KCNQ1OT1: variants seen among roughly 807,000 people sequenced by gnomAD.
KCNQ1OT1 encodes the protein KCNQ1 antisense RNA 2 (non-protein coding).
chr11:2,693,930 C>T (rs1357529707), exon 1 of KCNQ1OT1: 1 of 398,628 alleles, frequency 2.5e-6, no homozygotes, highest in Non-Finnish European at 4.4e-6. Flanking sequence ...GATCCGGTAT[C>T]CGCTGAGAAC....
exon 1 of KCNQ1OT1, chr11:2,628,488 G>A (rs757177160): frequency 7.5e-6 from 3 of 398,054 alleles, no homozygotes; most frequent in Non-Finnish European, 1.3e-5. Context: ...TTATTAATTG[G>A]GTTATTAAGT....
exon 1 of KCNQ1OT1, chr11:2,685,938 C>T (rs890762381): frequency 7.5e-6 from 3 of 398,736 alleles, no homozygotes; most frequent in South Asian, 1.3e-4. Context: ...CCCACTCTCC[C>T]ATCCTCCTGC....
Position 2,654,597 on chromosome 11 carries a change from G to A in KCNQ1OT1, n.45398C>T. 2 of 398,828 alleles carry A rather than the reference G, an allele frequency of 5.0e-6. No individual in the cohort carries two copies. The highest frequency in any genetic ancestry group is 2.5e-4 in the South Asian group (2 of 7,866). 24.7% of individuals were successfully genotyped at this position (398,828 alleles called of 1,614,324 possible). On this transcript the variant is annotated non_coding_transcript_exon_variant, in exon 1 of 1. Coordinates refer to ENST00000597346, the Ensembl canonical transcript of KCNQ1OT1. This position sits in a 1 kb window ranked among gnomAD's most constrained non-coding sequence, Gnocchi z 6.4. Reference sequence around the variant, plus strand: ...TCAGGAGGGGAAGGGCAGGGGGTGAGTGGTTGGGTGAAGTTACTAGGAAGG... The same window carrying A: ...TCAGGAGGGGAAGGGCAGGGGGTGAATGGTTGGGTGAAGTTACTAGGAAGG...
At chr11:2,616,912 G>T in exon 1 of KCNQ1OT1, 1 of 397,618 alleles carries the variant, frequency 2.5e-6, no homozygotes, top group South Asian at 1.3e-4. Flanking sequence ...TATTGTTCAA[G>T]TCCTCTCTTT....
At position 2,661,866 on chromosome 11, in the gene KCNQ1OT1, T is replaced by C; in HGVS notation, n.38129A>G. The C allele has an allele frequency of 6.7e-7, 1 of 1,498,464 alleles. No homozygotes were observed. The highest frequency in any genetic ancestry group is 1.1e-5 in the South Asian group (1 of 88,622). 92.8% of individuals were successfully genotyped at this position (1,498,464 alleles called of 1,614,324 possible). A position where few individuals can be genotyped will look rare whatever the true frequency, so the allele number is the denominator to read the frequency against. On this transcript the variant is annotated non_coding_transcript_exon_variant, in exon 1 of 1. Transcript: ENST00000597346. This position sits in a 1 kb window ranked among gnomAD's most constrained non-coding sequence, Gnocchi z 5.9. ...TGGAGCTTCCAGGCACAAGCTCCACTCCTCACCTGGCCCTGGGAGCTCACA... is the reference window on the plus strand; with the variant it reads ...TGGAGCTTCCAGGCACAAGCTCCACCCCTCACCTGGCCCTGGGAGCTCACA...
Position 2,651,553 on chromosome 11 carries a change from T to C in KCNQ1OT1, n.48442A>G, listed in dbSNP as rs1849756730. 1 of 398,432 alleles carries C rather than the reference T, an allele frequency of 2.5e-6. No homozygotes were observed. The highest frequency in any genetic ancestry group is 4.4e-6 in the Non-Finnish European group (1 of 226,072). 24.7% of individuals were successfully genotyped at this position (398,432 alleles called of 1,614,324 possible). A position where few individuals can be genotyped will look rare whatever the true frequency, so the allele number is the denominator to read the frequency against. ...ATGAGTGTGTCCCTGAGAACATGGATATTGTGTTCTTTACCTCCATGTCTC... is the reference window on the plus strand; with the variant it reads ...ATGAGTGTGTCCCTGAGAACATGGACATTGTGTTCTTTACCTCCATGTCTC... On this transcript the variant is annotated non_coding_transcript_exon_variant, in exon 1 of 1. Transcript: ENST00000597346. The surrounding 1 kb of genome is among the most constrained non-coding windows in gnomAD (Gnocchi z 6.1).
At chr11:2,644,867 G>C (rs1359401842) in exon 1 of KCNQ1OT1, 1 of 398,654 alleles carries the variant, frequency 2.5e-6, no homozygotes, top group African/African-American at 2.1e-5. Flanking sequence ...GCAGTTGTTG[G>C]TGGAGGCTGT....
exon 1 of KCNQ1OT1, chr11:2,640,057 A>G: frequency 5.2e-6 from 1 of 193,766 alleles, no homozygotes; most frequent in Non-Finnish European, 1.0e-5. Context: ...CCATTGGAAA[A>G]GCACAGTATT....
At chr11:2,635,585 C>T (rs1849450999) in exon 1 of KCNQ1OT1, 1 of 152,116 alleles carries the variant, frequency 6.6e-6, no homozygotes, top group South Asian at 2.1e-4. Flanking sequence ...GTGACTGTAG[C>T]CTTGTAGTAT....
exon 1 of KCNQ1OT1, chr11:2,646,410 A>T (rs1849666562): frequency 2.5e-6 from 1 of 398,572 alleles, no homozygotes; most frequent in East Asian, 3.6e-5. Flanking sequence ...CATTGTGGAA[A>T]TCTTTCACCT....
At chr11:2,629,253 C>T in exon 1 of KCNQ1OT1, 1 of 398,218 alleles carries the variant, frequency 2.5e-6, no homozygotes, top group African/African-American at 2.1e-5. Flanking sequence ...TTATTTGTAT[C>T]ATCTTAGAAT....
chr11:2,665,377 G>T (rs1356748300), exon 1 of KCNQ1OT1: 2 of 398,018 alleles, frequency 5.0e-6, no homozygotes, highest in Non-Finnish European at 8.8e-6. Context: ...GACAAGAGGA[G>T]CCCTGTACCC....
rs1287684811 is a variant in KCNQ1OT1 at position 2,617,708 on chromosome 11, C to T, written n.82287G>A. ...TGTACAAGAGTTCCCTAACCCTAGC[C>T]AACACTTAATAGCTATTCTCATGAG... On this transcript the variant is annotated non_coding_transcript_exon_variant, in exon 1 of 1. Coordinates refer to ENST00000597346, the Ensembl canonical transcript of KCNQ1OT1. This position sits in a 1 kb window ranked among gnomAD's most constrained non-coding sequence, Gnocchi z 4.6. 2.5e-6 allele frequency: 1 copy of T among 398,306 alleles called. No homozygotes were observed. Among genetic ancestry groups the T allele is most frequent in the African/African-American group, 2.1e-5 (1 of 48,612 alleles). 24.7% of individuals were successfully genotyped at this position (398,306 alleles called of 1,614,324 possible).
At chr11:2,636,871 T>C (rs1466361136) in exon 1 of KCNQ1OT1, 3 of 152,254 alleles carry the variant, frequency 2.0e-5, no homozygotes, top group Non-Finnish European at 4.4e-5. Context: ...GAGCCTGTTA[T>C]TGGTCTTTTC....
Position 2,671,970 on chromosome 11 carries a change from G to T in KCNQ1OT1, n.28025C>A, listed in dbSNP as rs1215129954. The T allele has an allele frequency of 5.0e-6, 2 of 398,474 alleles. No individual in the cohort carries two copies. The highest frequency in any genetic ancestry group is 7.1e-5 in the East Asian group (2 of 28,078). 24.7% of individuals were successfully genotyped at this position (398,474 alleles called of 1,614,324 possible). On this transcript the variant is annotated non_coding_transcript_exon_variant, in exon 1 of 1. Coordinates refer to ENST00000597346, the Ensembl canonical transcript of KCNQ1OT1. The surrounding 1 kb of genome is among the most constrained non-coding windows in gnomAD (Gnocchi z 4.7). The stretch of plus-strand genomic sequence containing the variant: ...TGGGGTAGAAAGAGTGGGCTAAAAA[G>T]TCAGCTAGCACCCCTGACTTCAAGT...
exon 1 of KCNQ1OT1, chr11:2,639,782 T>G (rs923583532): frequency 2.6e-5 from 4 of 152,418 alleles, no homozygotes; most frequent in African/African-American, 9.6e-5. Flanking sequence ...TCTGCTGCCT[T>G]TTGTTCGGCT....
chr11:2,687,142 G>C lies in KCNQ1OT1; in HGVS notation n.12853C>G. 2.5e-6 allele frequency: 1 copy of C among 398,666 alleles called. No homozygotes were observed. Among genetic ancestry groups the C allele is most frequent in the Non-Finnish European group, 4.4e-6 (1 of 226,100 alleles). The allele number at this position is 398,666 out of a possible 1,614,324, so 24.7% of individuals were successfully genotyped here. A position where few individuals can be genotyped will look rare whatever the true frequency, so the allele number is the denominator to read the frequency against. ...AACTGCACAGGGAGGGGAGGAATCT[G>C]AGCCAGCTTCCTCCACAAAGCACAG... On this transcript the variant is annotated non_coding_transcript_exon_variant, in exon 1 of 1. Coordinates refer to ENST00000597346, the Ensembl canonical transcript of KCNQ1OT1. This position sits in a 1 kb window ranked among gnomAD's most constrained non-coding sequence, Gnocchi z 5.0.
chr11:2,669,065 C>A lies in KCNQ1OT1; in HGVS notation n.30930G>T. ...CATGGGAAGGCCCGTCCTCTCCCAA[C>A]TACCCTGCCGTATCAGTGTCTTTAC... On this transcript the variant is annotated non_coding_transcript_exon_variant, in exon 1 of 1. Coordinates refer to ENST00000597346, the Ensembl canonical transcript of KCNQ1OT1. The surrounding 1 kb of genome is among the most constrained non-coding windows in gnomAD (Gnocchi z 5.6). 1 of 398,724 alleles carries A rather than the reference C, an allele frequency of 2.5e-6. No homozygotes were observed. Among genetic ancestry groups the A allele is most frequent in the South Asian group, 1.3e-4 (1 of 7,862 alleles). The allele number at this position is 398,724 out of a possible 1,614,324, so 24.7% of individuals were successfully genotyped here. A position where few individuals can be genotyped will look rare whatever the true frequency, so the allele number is the denominator to read the frequency against.
In KCNQ1OT1 at chr11:2,654,439, G is replaced by A. The variant is rs1008392779; in HGVS notation, n.45556C>T. 5.0e-6 allele frequency: 2 copies of A among 398,596 alleles called. No individual in the cohort carries two copies. The highest frequency in any genetic ancestry group is 4.4e-5 in the Admixed American group (1 of 22,716). 24.7% of individuals were successfully genotyped at this position (398,596 alleles called of 1,614,324 possible). ...GAGACATGGGTGAGGCAGAAGGCAA[G>A]GTTCCCGTGCTGAGCGCCAGGCACA... On this transcript the variant is annotated non_coding_transcript_exon_variant, in exon 1 of 1. Coordinates refer to ENST00000597346, the Ensembl canonical transcript of KCNQ1OT1. The surrounding 1 kb of genome is among the most constrained non-coding windows in gnomAD (Gnocchi z 6.4).
Sources: gnomAD v4.1 joint callset for allele counts on GRCh38, gnomAD v4.1.1 for gene constraint, Gnocchi (gnomAD v3.1) non-coding constraint, MANE v1.5 for transcripts, NCBI Gene and HGNC (gene_info 2026-07-23, HGNC 2026-07-21) for gene names.